The following CSRP3 variants were observed in gnomAD, a reference collection of about 807,000 sequenced individuals.
CSRP3 encodes the protein cysteine and glycine-rich protein 3.
A neutral mutation model predicts 24.3 loss-of-function variants in CSRP3; 24 were observed. That is an observed-to-expected ratio of 0.99 (90% confidence interval 0.71 to 1.39). The LOEUF is 1.39. Among genes scored for constraint, CSRP3 ranks in the 40% most tolerant of loss-of-function variants. The pLI, the probability that CSRP3 is intolerant of heterozygous loss-of-function variation, is 0.00. For missense variants in CSRP3, 240 were observed against 249.0 expected (o/e 0.96, Z 0.24); for synonymous variants, 105 against 94.0 (o/e 1.12, Z -0.68).
chr11:19,199,756 A>G (rs1850805012), intron 1 of CSRP3, among the ~76,000 whole-genome samples: 1 of 152,208 alleles, frequency 6.6e-6, no homozygotes, highest in Admixed American at 6.5e-5. Context: ...TAAAGCTCAG[A>G]AAAGGCTCCA....
Position 19,197,553 on chromosome 11 carries a change from TTCTTTCTTTC to T in CSRP3, c.-29+4391_-29+4400del, listed in dbSNP as rs543722191. Among the ~76,000 whole-genome samples, 378 of 141,312 alleles carry T rather than the reference TTCTTTCTTTC, an allele frequency of 2.7e-3. 4 individuals are homozygous for T. The highest frequency in any genetic ancestry group is 9.4e-3 in the African/African-American group (347 of 36,874). 92.7% of individuals were successfully genotyped at this position (141,312 alleles called of 152,430 possible). A position where few individuals can be genotyped will look rare whatever the true frequency, so the allele number is the denominator to read the frequency against. On this transcript the variant is annotated intron_variant, in intron 1 of 5. Coordinates refer to ENST00000265968, the MANE Select transcript of CSRP3 (RefSeq NM_003476.5). ...TTTCTTTCTTTCTTTCTTTCTTTCT[TTCTTTCTTTC>T]TTTCTTTCTTTCTTCTTTCACTACC...
At chr11:19,196,919 G>A (rs1050327931) in intron 1 of CSRP3, 1 of 152,200 alleles carries the variant, frequency 6.6e-6, no homozygotes, top group Non-Finnish European at 1.5e-5. Context: ...CTCAGATCCC[G>A]GTGAGAGACT....
At chr11:19,183,515 C>T (rs974914595) in intron 5 of CSRP3, among the ~76,000 whole-genome samples, 1 of 152,194 alleles carries the variant, frequency 6.6e-6, no homozygotes, top group Admixed American at 6.5e-5. Context: ...GAGAAGCTTT[C>T]CCCATTACCC....
At chr11:19,196,470 G>A (rs1850706997) in intron 1 of CSRP3, among the ~76,000 whole-genome samples, 1 of 152,194 alleles carries the variant, frequency 6.6e-6, no homozygotes, top group African/African-American at 2.4e-5. Context: ...TGGCACCAAT[G>A]TGCTAATTAA....
At chr11:19,200,497 C>T (rs1850819669) in intron 1 of CSRP3, among the ~76,000 whole-genome samples, 1 of 152,014 alleles carries the variant, frequency 6.6e-6, no homozygotes, top group African/African-American at 2.4e-5. Context: ...TCTCTCTTTC[C>T]TTCCCCCCTT....
chr11:19,182,823 A>C, intron 5 of CSRP3, 77 bp from the exon 6 acceptor site: 1 of 1,016,904 alleles, frequency 9.8e-7, no homozygotes, highest in South Asian at 1.3e-5. Context: ...CTGTCTGAGC[A>C]CAGTCCTTTT....
chr11:19,185,032 G>A lies in CSRP3; in HGVS notation c.428C>T (p.Thr143Ile). 2 of 1,614,090 alleles carry A rather than the reference G, an allele frequency of 1.2e-6. No homozygotes were observed. Among genetic ancestry groups the A allele is most frequent in the South Asian group, 2.2e-5 (2 of 91,088 alleles). Residue 143 changes from threonine (T) to isoleucine (I), a missense_variant, in exon 5 of 6, where the codon ACC (threonine) becomes ATC (isoleucine). Thr to Ile is a moderately conservative substitution (Grantham distance 89). Coordinates refer to ENST00000265968, the MANE Select transcript of CSRP3 (RefSeq NM_003476.5). Reference sequence around the variant, plus strand: ...CCCACAGATGGCACAGCGGAAACAGGTCTTGTGCCAAGGCTGAGGGGCACA... The same window carrying A: ...CCCACAGATGGCACAGCGGAAACAGATCTTGTGCCAAGGCTGAGGGGCACA... ...VMGGGKPWHK[T>I]CFRCAICGKS...
Position 19,186,263 on chromosome 11 carries a change from A to G in CSRP3, c.367T>C (p.Cys123Arg), listed in dbSNP as rs1301857786. 3.7e-6 allele frequency: 6 copies of G among 1,614,200 alleles called. No homozygotes were observed. The African/African-American group carries it at 5.3e-5, about 14-fold the overall frequency. Residue 123 changes from cysteine to arginine, a missense_variant, in exon 4 of 6, where the codon TGT becomes CGT. Coordinates refer to ENST00000265968, the MANE Select transcript of CSRP3 (RefSeq NM_003476.5). ...KFGESEKCPRCGKSVYAAEKV... is the reference protein window; with the variant it reads ...KFGESEKCPRRGKSVYAAEKV... ...TCAGCAGCATAGACTGACTTGCCACATCGAGGGCACTTCTCGGACTCTCCA... is the reference window on the plus strand; with the variant it reads ...TCAGCAGCATAGACTGACTTGCCACGTCGAGGGCACTTCTCGGACTCTCCA...
At chr11:19,200,763 T>C (rs1366288428) in intron 1 of CSRP3, among the ~76,000 whole-genome samples, 1 of 152,184 alleles carries the variant, frequency 6.6e-6, no homozygotes, top group African/African-American at 2.4e-5. Flanking sequence ...TCTACATGCA[T>C]TGTGATGAAT....
Position 19,188,294 on chromosome 11 carries a change from C to T in CSRP3, c.123G>A (p.Arg41=), listed in dbSNP as rs1590104476. 1.2e-6 allele frequency: 2 copies of T among 1,612,432 alleles called. No homozygotes were observed. The highest frequency in any genetic ancestry group is 1.7e-6 in the Non-Finnish European group (2 of 1,180,028). The part of the protein sequence containing the change: ...HKTCFHCMAC[R]KALDSTTVAA... The stretch of plus-strand genomic sequence containing the variant: ...CGACTGTCGTGCTGTCAAGAGCCTT[C>T]CTGCAGGCCACTGCCAGGAAAAGGA... Residue 41 remains arginine, a synonymous_variant, in exon 3 of 6, where the codon AGG becomes AGA. Coordinates refer to ENST00000265968, the MANE Select transcript of CSRP3 (RefSeq NM_003476.5).
intron 5 of CSRP3, among the ~76,000 whole-genome samples, chr11:19,184,198 C>A (rs1187962888): frequency 6.6e-6 from 1 of 152,206 alleles, no homozygotes; most frequent in African/African-American, 2.4e-5. Flanking sequence ...TTCATTCCAA[C>A]ATACTCCTTT....
intron 2 of CSRP3, among the ~76,000 whole-genome samples, chr11:19,189,889 A>G (rs1293012982): frequency 6.6e-6 from 1 of 152,240 alleles, no homozygotes; most frequent in Non-Finnish European, 1.5e-5. Context: ...AGAATGCCTT[A>G]TATTGAGACA....
intron 1 of CSRP3, among the ~76,000 whole-genome samples, chr11:19,193,328 G>A (rs1303780137): frequency 6.6e-6 from 1 of 152,076 alleles, no homozygotes; most frequent in Admixed American, 6.5e-5. Context: ...ACGACATGAT[G>A]TGCAGGAAGG....
At chr11:19,196,006 C>T (rs113767606) in intron 1 of CSRP3, among the ~76,000 whole-genome samples, 99 of 152,274 alleles carry the variant, frequency 6.5e-4, no homozygotes, top group African/African-American at 2.2e-3. Context: ...TGGTGGCTCA[C>T]GCCTGTAATC....
At chr11:19,199,023 T>C (rs917837832) in intron 1 of CSRP3, among the ~76,000 whole-genome samples, 1 of 152,266 alleles carries the variant, frequency 6.6e-6, no homozygotes, top group Non-Finnish European at 1.5e-5. Flanking sequence ...AACAAACAAC[T>C]CACTCCCTGC....
chr11:19,191,766 G>T (rs558779952), intron 2 of CSRP3, among the ~76,000 whole-genome samples: 1 of 152,304 alleles, frequency 6.6e-6, no homozygotes, highest in East Asian at 1.9e-4. Context: ...TGACATGTGT[G>T]AGTCAGTGTC....
chr11:19,186,305 T>C lies in CSRP3; in HGVS notation c.325A>G (p.Lys109Glu), dbSNP rs1203232349. The change falls in exon 4 of 6, where the codon AAA becomes GAA. Residue 109 changes from lysine to glutamate, a missense_variant. Transcript: ENST00000265968. ...GACTCTCCAAACTTCGCAGTGAATT[T>C]GGAAGGGTTGCTGGTGGTAACTGAG... Reference protein sequence around the residue: ...ARSVTTSNPSKFTAKFGESEK... With the variant: ...ARSVTTSNPSEFTAKFGESEK... The C allele has an allele frequency of 6.2e-7, 1 of 1,614,206 alleles. No individual in the cohort carries two copies. The highest frequency in any genetic ancestry group is 2.2e-5 in the East Asian group (1 of 44,880).
chr11:19,182,578 G>A lies in CSRP3; in HGVS notation c.*92C>T. 9.5e-7 allele frequency: 1 copy of A among 1,050,084 alleles called. No individual in the cohort carries two copies. Among genetic ancestry groups the A allele is most frequent in the South Asian group, 1.3e-5 (1 of 79,732 alleles). The allele number at this position is 1,050,084 out of a possible 1,614,324, so 65.0% of individuals were successfully genotyped here. A position where few individuals can be genotyped will look rare whatever the true frequency, so the allele number is the denominator to read the frequency against. On this transcript the variant is annotated 3_prime_UTR_variant, in exon 6 of 6. Coordinates refer to ENST00000265968, the MANE Select transcript of CSRP3 (RefSeq NM_003476.5). ...GAAACACATAATGTACGACTACAAA[G>A]GAGAGGCTATTTGGGGAAAGGTATC... is the stretch of plus-strand genomic sequence containing the variant.
In CSRP3 at chr11:19,186,617, G is replaced by A. The variant is rs79400310; in HGVS notation, c.282-269C>T. Among the ~76,000 whole-genome samples, 4,680 of 152,286 alleles carry A rather than the reference G, an allele frequency of 0.031. 257 individuals are homozygous for A. The highest frequency in any genetic ancestry group is 0.11 in the African/African-American group (4,449 of 41,554). ...GGTTTAGAGCTTTCCTTTTTGTTGT[G>A]AAGCACTTAGCAAATGTTCTAGTTA... On this transcript the variant is annotated intron_variant, in intron 3 of 5. Transcript: ENST00000265968.
Sources: gnomAD v4.1 joint callset for allele counts (sites outside exome capture counted in the v4.1 genomes callset) on GRCh38, gnomAD v4.1.1 for gene constraint, MANE v1.5 for transcripts, NCBI Gene and HGNC (gene_info 2026-07-23, HGNC 2026-07-21) for gene names.